Variants in NIN observed in about 807,000 individuals in gnomAD.
NIN encodes glycogen synthase kinase 3 beta-interacting protein.
NIN carries 137 observed loss-of-function variants against 257.6 expected under a neutral mutation model. The observed-to-expected ratio is 0.53, with a 90% CI of 0.46 to 0.61. The LOEUF is 0.61. Among genes scored for constraint, NIN ranks in the 20% least tolerant of loss-of-function variants. The pLI is 0.00. For missense variants in NIN, 2,439 were observed against 2,501.2 expected (o/e 0.98, Z 0.53); for synonymous variants, 918 against 919.8 (o/e 1.00, Z 0.04).
At chr14:50,727,440 G>A (rs2040462558) in intron 29 of NIN, 1 of 1,152,380 alleles carries the variant, frequency 8.7e-7, no homozygotes, top group Non-Finnish European at 1.1e-6. Flanking sequence ...ACTCTTTAAA[G>A]GGTATAAATA....
chr14:50,738,848 TGCAGCAGAG>T (rs2041132977), intron 26 of NIN, among the ~76,000 whole-genome samples: 1 of 152,218 alleles, frequency 6.6e-6, no homozygotes, highest in Admixed American at 6.5e-5. Flanking sequence ...TGGGAGACTA[TGCAGCAGAG>T]GTAAGGAATT....
At chr14:50,793,484 A>C (rs1230402957) in intron 4 of NIN, among the ~76,000 whole-genome samples, 1 of 152,210 alleles carries the variant, frequency 6.6e-6, no homozygotes, top group Non-Finnish European at 1.5e-5. Context: ...TCAAGATCTC[A>C]TTGTAAAATT....
intron 10 of NIN, 150 bp downstream of exon 10, chr14:50,771,182 C>T (rs1199188696): frequency 1.1e-5 from 13 of 1,160,170 alleles, no homozygotes. Flanking sequence ...CTTAATTTTC[C>T]TATACTTTAA....
At chr14:50,736,323 G>C (rs952532330) in intron 27 of NIN, among the ~76,000 whole-genome samples, 1 of 151,052 alleles carries the variant, frequency 6.6e-6, no homozygotes, top group African/African-American at 2.4e-5. Context: ...TTTTTTTTTA[G>C]AGATGGGATT....
intron 4 of NIN, among the ~76,000 whole-genome samples, chr14:50,802,137 A>C (rs1170012110): frequency 6.6e-6 from 1 of 152,236 alleles, no homozygotes; most frequent in African/African-American, 2.4e-5. Context: ...ATTCCAGAAA[A>C]ATAATTTAAA....
chr14:50,795,147 T>G (rs1467553668), intron 4 of NIN, among the ~76,000 whole-genome samples: 1 of 152,346 alleles, frequency 6.6e-6, no homozygotes, highest in East Asian at 1.9e-4. Flanking sequence ...CTATGTAACC[T>G]TTTTGGAATA....
chr14:50,741,687 T>C lies in NIN; in HGVS notation c.5343A>G (p.Gln1781=). The C allele has an allele frequency of 1.9e-6, 3 of 1,614,110 alleles. No individual in the cohort carries two copies. The highest frequency in any genetic ancestry group is 1.7e-6 in the Non-Finnish European group (2 of 1,179,974). Residue 1781 remains glutamine (Q), a synonymous_variant, in exon 25 of 31, where the codon CAA becomes CAG. Transcript: ENST00000530997. ...LEDTVQNVNL[Q]MSRMKSDLRV... The stretch of plus-strand genomic sequence containing the variant: ...GTAGGTCAGATTTCATCCGGGACAT[T>C]TGCAGGTTTACATTCTGCACGGTGT...
chr14:50,746,581 C>A (rs1199305404), intron 22 of NIN, among the ~76,000 whole-genome samples: 1 of 152,130 alleles, frequency 6.6e-6, no homozygotes, highest in Non-Finnish European at 1.5e-5. Flanking sequence ...GAAAGGACAA[C>A]TTTGTGCTTA....
At position 50,792,837 on chromosome 14, in the gene NIN, G is replaced by A. The variant is rs1595881531; in HGVS notation, c.310C>T (p.Arg104Cys). Residue 104 changes from arginine (R) to cysteine (C), a missense_variant, in exon 5 of 31, where the codon CGT (arginine) becomes TGT (cysteine). Arg to Cys is a radical substitution (Grantham distance 180). Around this residue, in one of 3 missense-constraint regions of NIN, gnomAD observed 387 missense variants for 427.3 expected, o/e 0.91. Coordinates refer to ENST00000530997, the MANE Select transcript of NIN (RefSeq NM_020921.4). The stretch of plus-strand genomic sequence containing the variant: ...TCGGGCAAGGACCTTCGTCCGTAAC[G>A]CTTCCCACCTCTAACATATTTGGGC... ...AQPKYVRGGK[R>C]YGRRSLPEFQ... is the part of the protein sequence containing the mutation. The A allele has an allele frequency of 1.9e-6, 3 of 1,614,168 alleles. No homozygotes were observed. The highest frequency in any genetic ancestry group is 2.5e-6 in the Non-Finnish European group (3 of 1,180,032).
At chr14:50,739,553 G>C (rs1380089763) in intron 25 of NIN, 66 bp from the exon 26 acceptor site, 2 of 1,504,176 alleles carry the variant, frequency 1.3e-6, no homozygotes, top group Non-Finnish European at 1.8e-6. Context: ...TTTGAGACAG[G>C]TGTCATGTTT....
intron 2 of NIN, among the ~76,000 whole-genome samples, chr14:50,826,130 T>C (rs577112504): frequency 6.6e-5 from 10 of 152,322 alleles, no homozygotes; most frequent in African/African-American, 2.4e-4. Flanking sequence ...GGTCAGATCC[T>C]AACTGGTACC....
intron 5 of NIN, among the ~76,000 whole-genome samples, chr14:50,791,053 G>T (rs1203109891): frequency 6.6e-6 from 1 of 152,158 alleles, no homozygotes; most frequent in Non-Finnish European, 1.5e-5. Flanking sequence ...TTGGGGAAAT[G>T]AGTTATTAAA....
chr14:50,729,861 G>A, intron 28 of NIN, 138 bp from the exon 29 acceptor site: 2 of 598,066 alleles, frequency 3.3e-6, no homozygotes, highest in Non-Finnish European at 5.6e-6. Flanking sequence ...AAACAGGACA[G>A]CATATGGGCC....
rs1170975783 is a variant in NIN, at chr14:50,757,155, T to A, written c.3875A>T (p.Asp1292Val). 1.2e-6 allele frequency: 2 copies of A among 1,612,872 alleles called. No individual in the cohort carries two copies. Among genetic ancestry groups the A allele is most frequent in the South Asian group, 2.2e-5 (2 of 90,864 alleles). ...GACTTCCTCCATTTTCTTCAGCTCA[T>A]CCTGCAACCTGAAAACCTCTGCAGT... ...ELTAEVFRLQ[D>V]ELKKMEEVTE... The change falls in exon 18 of 31, where the codon GAT (aspartate) becomes GTT (valine). Residue 1292 changes from aspartate to valine, a missense_variant. Asp to Val is a radical substitution (Grantham distance 152). Around this residue, in one of 3 missense-constraint regions of NIN, gnomAD observed 2,043 missense variants for 2,050.2 expected, o/e 1.00. Transcript: ENST00000530997.
intron 16 of NIN, 68 bp from the exon 17 acceptor site, chr14:50,760,427 G>A: frequency 1.1e-6 from 1 of 931,120 alleles, no homozygotes; most frequent in South Asian, 1.7e-5. Context: ...AAGTGATGGA[G>A]CAGCAATTGC....
chr14:50,822,048 C>T lies in NIN; in HGVS notation c.9G>A (p.Glu3=). The T allele has an allele frequency of 6.2e-7, 1 of 1,613,042 alleles. No homozygotes were observed. Among genetic ancestry groups the T allele is most frequent in the African/African-American group, 1.3e-5 (1 of 75,040 alleles). ...GGGCCTCATGCTGGTCCTGCTCCAC[C>T]TCATCCATCCCATAGCCCACAGTGC... The part of the protein sequence containing the change: MD[E]VEQDQHEARL... The change falls in exon 3 of 31, where the codon GAG becomes GAA. Residue 3 remains glutamate (E), a synonymous_variant. Transcript: ENST00000530997.
At chr14:50,771,607 C>G (rs1388112509) in intron 9 of NIN, 139 bp from the exon 10 acceptor site, 3 of 855,006 alleles carry the variant, frequency 3.5e-6, no homozygotes, top group Non-Finnish European at 5.4e-6. Context: ...TTGGTGATTG[C>G]TTAGGAACAG....
chr14:50,807,964 T>G (rs765236274), intron 3 of NIN, among the ~76,000 whole-genome samples: 1 of 152,274 alleles, frequency 6.6e-6, no homozygotes, highest in African/African-American at 2.4e-5. Flanking sequence ...AATCATTAGA[T>G]TATATTGCAT....
chr14:50,758,676 C>T, intron 17 of NIN, 46 bp from the exon 18 acceptor site: 1 of 1,502,526 alleles, frequency 6.7e-7, no homozygotes, highest in Non-Finnish European at 8.9e-7. Context: ...CCGCCAACTC[C>T]AGAAGCAAAC....
Sources: gnomAD v4.1 joint callset for allele counts (sites outside exome capture counted in the v4.1 genomes callset) on GRCh38, gnomAD v4.1.1 for gene constraint, gnomAD v4.1.1 regional missense constraint, MANE v1.5 for transcripts, NCBI Gene and HGNC (gene_info 2026-07-23, HGNC 2026-07-21) for gene names.